PLCXD1: variants seen among roughly 807,000 people sequenced by gnomAD.
PLCXD1 encodes the protein PI-PLC X domain-containing protein 1.
Under a neutral mutation model 37.8 loss-of-function variants are expected in PLCXD1, and 45 were observed. The ratio of observed to expected loss-of-function variants is 1.19; its 90% confidence interval spans 0.94 to 1.53. The LOEUF (loss-of-function observed/expected upper bound fraction) is 1.53. Ranked by LOEUF, PLCXD1 falls within the 40% of genes most tolerant of loss-of-function variation. PLCXD1 has a pLI of 0.00. For synonymous variants in PLCXD1, 246 were observed against 206.9 expected, an observed-to-expected ratio of 1.19 and a Z score of -1.62; for missense variants, 539 against 454.7, an observed-to-expected ratio of 1.19 and a Z score of -1.69.
At chrX:289,130 C>T (rs940057248) in intron 3 of PLCXD1, among the ~76,000 whole-genome samples, 6 of 152,166 alleles carry the variant, frequency 3.9e-5, no homozygotes, top group Non-Finnish European at 8.8e-5. Context: ...TCTTCTTACC[C>T]GGGCTGGAGT....
intron 1 of PLCXD1, among the ~76,000 whole-genome samples, chrX:282,938 A>ATATAT (rs2069316219): frequency 2.6e-5 from 3 of 116,888 alleles, no homozygotes; most frequent in African/African-American, 1.2e-4. Flanking sequence ...TGTATGTTAT[A>ATATAT]TATATATTAT....
intron 3 of PLCXD1, among the ~76,000 whole-genome samples, 176 bp from the exon 4 acceptor site, chrX:290,472 C>T (rs1284816481): frequency 6.6e-6 from 1 of 151,916 alleles, no homozygotes; most frequent in Non-Finnish European, 1.5e-5. Flanking sequence ...ATGAGGTTTT[C>T]CAAATGCAGG....
At chrX:294,337 C>T (rs1022053715) in intron 6 of PLCXD1, among the ~76,000 whole-genome samples, 1 of 152,114 alleles carries the variant, frequency 6.6e-6, no homozygotes, top group Non-Finnish European at 1.5e-5. Flanking sequence ...AAAAAATTAG[C>T]CGGGCGTGGT....
chrX:280,425 T>C (rs2069242653), upstream of PLCXD1, among the ~76,000 whole-genome samples: 1 of 56,364 alleles, frequency 1.8e-5, no homozygotes, highest in Admixed American at 2.3e-4. Flanking sequence ...GGGGAAGACG[T>C]GCAGGGGGAG....
chrX:299,593 A>T lies in PLCXD1; in HGVS notation c.*258A>T. 1 of 569,260 alleles carries T rather than the reference A, an allele frequency of 1.8e-6. No individual in the cohort carries two copies. The allele number at this position is 569,260 out of a possible 1,614,324, so 35.3% of individuals were successfully genotyped here. ...ACCAACATGGTGAAATCCCATCTCT[A>T]CTAAAAATACAAAACTTAGCTGGGT... is the stretch of plus-strand genomic sequence containing the variant. On this transcript the variant is annotated 3_prime_UTR_variant, in exon 7 of 7. Transcript: ENST00000381657.
In PLCXD1 at chrX:299,389, C is replaced by G. The variant is rs1341464414; in HGVS notation, c.*54C>G. ...CGGCTGCAGTTTCACCCCCGAATTT[C>G]CAAGTATTGTGACTTTGTTTGGGCC... On this transcript the variant is annotated 3_prime_UTR_variant, in exon 7 of 7. Transcript: ENST00000381657. 1 of 1,266,870 alleles carries G rather than the reference C, an allele frequency of 7.9e-7. No homozygotes were observed. The highest frequency in any genetic ancestry group is 1.2e-6 in the Non-Finnish European group (1 of 863,818). 78.5% of individuals were successfully genotyped at this position (1,266,870 alleles called of 1,614,324 possible).
At chrX:285,648 CACAT>C (rs2069430947) in intron 2 of PLCXD1, among the ~76,000 whole-genome samples, 1 of 151,960 alleles carries the variant, frequency 6.6e-6, no homozygotes, top group South Asian at 2.1e-4. Context: ...CGCGTGTACA[CACAT>C]GCACACACGT....
chrX:289,121 C>T (rs912653983), intron 3 of PLCXD1, among the ~76,000 whole-genome samples: 9 of 152,168 alleles, frequency 5.9e-5, no homozygotes, highest in African/African-American at 2.2e-4. Flanking sequence ...GGGTCTCACT[C>T]TTCTTACCCG....
upstream of PLCXD1, among the ~76,000 whole-genome samples, chrX:278,781 G>A (rs1396723610): frequency 4.6e-5 from 5 of 108,394 alleles, no homozygotes; most frequent in East Asian, 1.8e-3. Flanking sequence ...GGTTGAGGAC[G>A]CGCCTGTGAC....
intron 2 of PLCXD1, 63 bp downstream of exon 2, chrX:284,377 A>G (rs1437126101): frequency 6.3e-7 from 1 of 1,591,386 alleles, no homozygotes; most frequent in Non-Finnish European, 8.6e-7. Context: ...GTGGGGCGGG[A>G]GCTGTGGCGT....
intron 5 of PLCXD1, among the ~76,000 whole-genome samples, 170 bp from the exon 6 acceptor site, chrX:292,865 G>A (rs1296042421): frequency 4.6e-5 from 7 of 152,106 alleles, no homozygotes; most frequent in Admixed American, 6.6e-5. Flanking sequence ...CACCCACCTC[G>A]GCCTCCCAAA....
At chrX:296,295 A>G (rs977706588) in intron 6 of PLCXD1, among the ~76,000 whole-genome samples, 2 of 150,238 alleles carry the variant, frequency 1.3e-5, no homozygotes, top group African/African-American at 4.9e-5. Context: ...TAATTTTTGG[A>G]TGTGTTTTTA....
rs2070043049 is a variant in PLCXD1, at chrX:302,349, C to CTGAAGCG, written c.*3019_*3025dup. On this transcript the variant is annotated 3_prime_UTR_variant, in exon 7 of 7. Coordinates refer to ENST00000381657, the MANE Select transcript of PLCXD1 (RefSeq NM_018390.4). ...TTTCTGCACAGGTTTCTTTCTGCCT[C>CTGAAGCG]TGAAGCGTGAACGGTCCTAGTTTCA... The CTGAAGCG allele has an allele frequency of 6.6e-6, 1 of 152,174 alleles. No individual in the cohort carries two copies. The highest frequency in any genetic ancestry group is 1.9e-4 in the East Asian group (1 of 5,182). 9.4% of individuals were successfully genotyped at this position (152,174 alleles called of 1,614,324 possible). A position where few individuals can be genotyped will look rare whatever the true frequency, so the allele number is the denominator to read the frequency against.
At chrX:294,765 G>T (rs771359043) in intron 6 of PLCXD1, among the ~76,000 whole-genome samples, 109 of 151,646 alleles carry the variant, frequency 7.2e-4, no homozygotes, top group Non-Finnish European at 1.3e-3. Context: ...GATCGAGCCA[G>T]TGTACTCCAG....
chrX:295,933 T>G lies in PLCXD1; in HGVS notation c.733+2715T>G, dbSNP rs759423372. ...TTGGCTCACTGCAGCCTTCGCCTCC[T>G]GGGTTCGAGCAATTCTCCCGCCTCA... is the stretch of plus-strand genomic sequence containing the variant. On this transcript the variant is annotated intron_variant, in intron 6 of 6. Transcript: ENST00000381657. Among the ~76,000 whole-genome samples the G allele has an allele frequency of 9.2e-5, 14 of 152,030 alleles. No individual in the cohort carries two copies. The East Asian group carries it at 2.5e-3, about 27-fold the overall frequency.
intron 3 of PLCXD1, 126 bp downstream of exon 3, chrX:288,995 GT>G: frequency 1.2e-6 from 1 of 869,148 alleles, no homozygotes; most frequent in East Asian, 2.5e-5. Flanking sequence ...CAGGAGGCAG[GT>G]TCCTATCCCA....
At chrX:288,347 CT>C (rs1470452483) in intron 2 of PLCXD1, among the ~76,000 whole-genome samples, 1 of 151,532 alleles carries the variant, frequency 6.6e-6, no homozygotes, top group Admixed American at 6.6e-5. Context: ...CCTCTCCCAG[CT>C]CCTGGGGGCT....
At chrX:296,165 G>T (rs754189296) in intron 6 of PLCXD1, among the ~76,000 whole-genome samples, 2 of 151,860 alleles carry the variant, frequency 1.3e-5, no homozygotes, top group Admixed American at 6.6e-5. Flanking sequence ...CTGTCACCCA[G>T]GCTGGAGTGC....
At chrX:295,400 C>T (rs1229632469) in intron 6 of PLCXD1, among the ~76,000 whole-genome samples, 3 of 152,016 alleles carry the variant, frequency 2.0e-5, no homozygotes, top group African/African-American at 4.8e-5. Context: ...GTGATCTTCA[C>T]GGCCGCGAGG....
Sources: allele counts gnomAD v4.1 joint callset (sites outside exome capture counted in the v4.1 genomes callset), GRCh38; gene constraint gnomAD v4.1.1; transcripts MANE v1.5; gene names NCBI Gene and HGNC (gene_info 2026-07-23, HGNC 2026-07-21).